TTYH2: variants seen among roughly 807,000 people sequenced by gnomAD.
TTYH2 encodes protein tweety homolog 2.
A neutral mutation model predicts 68.3 loss-of-function variants in TTYH2; 49 were observed. That is an observed-to-expected ratio of 0.72 (90% CI 0.57 to 0.91). The LOEUF (loss-of-function observed/expected upper bound fraction) is 0.91. TTYH2 is among the 40% of genes least tolerant of loss of function. TTYH2 has a pLI of 0.00. For missense variants in TTYH2, 631 were observed against 700.4 expected, an observed-to-expected ratio of 0.90 and a Z score of 1.12; for synonymous variants, 272 against 300.8, an observed-to-expected ratio of 0.90 and a Z score of 0.99.
At chr17:74,243,047 C>G (rs2050517750) in intron 4 of TTYH2, among the ~76,000 whole-genome samples, 1 of 152,182 alleles carries the variant, frequency 6.6e-6, no homozygotes, top group Admixed American at 6.5e-5. Context: ...TCGGTAGCCA[C>G]CTGTGGGTAG....
At chr17:74,235,005 C>G (rs2050428335) in intron 3 of TTYH2, among the ~76,000 whole-genome samples, 1 of 152,128 alleles carries the variant, frequency 6.6e-6, no homozygotes, top group South Asian at 2.1e-4. Context: ...TTCGGGCTGT[C>G]GAATCTGCAC....
At position 74,253,061 on chromosome 17, in the gene TTYH2, T is replaced by A. The variant is rs756444323; in HGVS notation, c.1260-20T>A. On this transcript the variant is annotated intron_variant, in intron 11 of 13. Transcript: ENST00000269346. ...CTCCTTCACCCTTCACAGCCGGCCA[T>A]CTTCTACCCATTGTTCTAGAAACAG... 2.0e-5 allele frequency: 32 copies of A among 1,612,584 alleles called. No homozygotes were observed. The highest frequency in any genetic ancestry group is 2.5e-5 in the Non-Finnish European group (29 of 1,179,454).
intron 13 of TTYH2, among the ~76,000 whole-genome samples, chr17:74,259,118 C>T (rs1448475732): frequency 6.6e-6 from 1 of 152,210 alleles, no homozygotes; most frequent in Non-Finnish European, 1.5e-5. Flanking sequence ...TGTACTGGGT[C>T]ATGCTCCTCC....
intron 3 of TTYH2, among the ~76,000 whole-genome samples, chr17:74,234,823 C>T (rs1380957839): frequency 6.6e-6 from 1 of 152,128 alleles, no homozygotes; most frequent in Non-Finnish European, 1.5e-5. Context: ...GAAATGTCAC[C>T]TATTACTGGG....
chr17:74,244,102 T>C (rs1032353444), intron 6 of TTYH2, 53 bp downstream of exon 6: 16 of 1,546,504 alleles, frequency 1.0e-5, no homozygotes, highest in Non-Finnish European at 1.4e-5. Context: ...GCCAGGACAC[T>C]CTGGTGTGTC....
chr17:74,248,227 C>T lies in TTYH2; in HGVS notation c.805-784C>T, dbSNP rs192250523. ...AGCTCTCCCTGGCTGCTCTGGAAGGCGGAGGCCCCCCAGTTTATCCAGTCC... is the reference window on the plus strand; with the variant it reads ...AGCTCTCCCTGGCTGCTCTGGAAGGTGGAGGCCCCCCAGTTTATCCAGTCC... On this transcript the variant is annotated intron_variant, in intron 6 of 13. Coordinates refer to ENST00000269346, the MANE Select transcript of TTYH2 (RefSeq NM_032646.6). The T allele has an allele frequency of 7.2e-4, 706 of 975,344 alleles. 6 individuals carry two copies. In the African/African-American group the frequency reaches 0.01, roughly 14 times the overall value. 60.4% of individuals were successfully genotyped at this position (975,344 alleles called of 1,614,324 possible).
At position 74,222,121 on chromosome 17, in the gene TTYH2, CT is replaced by C. The variant is rs952455924; in HGVS notation, c.130-363del. 6.6e-6 allele frequency among the ~76,000 whole-genome samples: 1 copy of C among 152,210 alleles called. No individual in the cohort carries two copies. On this transcript the variant is annotated intron_variant, in intron 1 of 13. Transcript: ENST00000269346. This position sits in a 1 kb window ranked among gnomAD's most constrained non-coding sequence, Gnocchi z 5.2. The stretch of plus-strand genomic sequence containing the variant: ...TGGAGCTCACCACCCACAGCCCTCC[CT>C]GCTAGCTGGGGATTCCTGCCTTGTC...
chr17:74,226,352 G>C (rs527829464), intron 2 of TTYH2, among the ~76,000 whole-genome samples: 2 of 152,148 alleles, frequency 1.3e-5, no homozygotes, highest in Non-Finnish European at 2.9e-5. Context: ...CCAGGAAAGA[G>C]TGTCCCACAA....
At position 74,232,479 on chromosome 17, in the gene TTYH2, C is replaced by T. The variant is rs980583893; in HGVS notation, c.414+1480C>T. ...GATGCTAGTCTGGAACAGCCTTGCG[C>T]GGTGAGCTGGGGCGGCTGGGTTGGA... On this transcript the variant is annotated intron_variant, in intron 3 of 13. Transcript: ENST00000269346. The surrounding 1 kb of genome is among the most constrained non-coding windows in gnomAD (Gnocchi z 5.1). Among the ~76,000 whole-genome samples the T allele has an allele frequency of 3.3e-5, 5 of 152,316 alleles. No homozygotes were observed. Among genetic ancestry groups the T allele is most frequent in the East Asian group, 3.9e-4 (2 of 5,176 alleles).
In TTYH2 at chr17:74,215,093, T is replaced by C. The variant is rs988257730; in HGVS notation, c.129+1377T>C. Among the ~76,000 whole-genome samples, 27 of 151,902 alleles carry C rather than the reference T, an allele frequency of 1.8e-4. No individual in the cohort carries two copies. The highest frequency in any genetic ancestry group is 6.6e-5 in the Admixed American group (1 of 15,258). On this transcript the variant is annotated intron_variant, in intron 1 of 13. Transcript: ENST00000269346. The surrounding 1 kb of genome is among the most constrained non-coding windows in gnomAD (Gnocchi z 4.3). The stretch of plus-strand genomic sequence containing the variant: ...AGTCTGTGTTCCCTGAGAATGTGGC[T>C]GCCTGGGGATAGCTCCAGGGAATCT...
At chr17:74,242,851 C>G (rs1332472207) in intron 4 of TTYH2, among the ~76,000 whole-genome samples, 1 of 152,162 alleles carries the variant, frequency 6.6e-6, no homozygotes, top group Non-Finnish European at 1.5e-5. Context: ...CTGATGCTGT[C>G]TGAGAGTTCT....
chr17:74,231,745 C>T (rs960901026), intron 3 of TTYH2, among the ~76,000 whole-genome samples: 6 of 152,070 alleles, frequency 3.9e-5, no homozygotes, highest in African/African-American at 1.4e-4. Flanking sequence ...GCCCCAGCTC[C>T]TCGGAGCTCT....
intron 13 of TTYH2, among the ~76,000 whole-genome samples, chr17:74,255,559 C>T (rs2050685433): frequency 6.6e-6 from 1 of 152,072 alleles, no homozygotes; most frequent in Admixed American, 6.5e-5. Flanking sequence ...TCAAGTGATT[C>T]TCCTGCCTCA....
intron 3 of TTYH2, among the ~76,000 whole-genome samples, chr17:74,236,445 A>C (rs1451221119): frequency 6.6e-6 from 1 of 152,254 alleles, no homozygotes; most frequent in African/African-American, 2.4e-5. Context: ...TGAAAGTTTT[A>C]AGAGAATCTT....
chr17:74,248,710 C>G, intron 6 of TTYH2: 9 of 1,297,210 alleles, frequency 6.9e-6, no homozygotes, highest in Non-Finnish European at 8.9e-6. Flanking sequence ...ATAAGAGTAA[C>G]AGCATGCGCT....
rs2050738818 is a variant in TTYH2 at position 74,260,462 on chromosome 17, C to T, written c.*253C>T. 3.8e-6 allele frequency: 2 copies of T among 521,880 alleles called. No homozygotes were observed. The highest frequency in any genetic ancestry group is 3.2e-5 in the Admixed American group (1 of 31,604). 32.3% of individuals were successfully genotyped at this position (521,880 alleles called of 1,614,324 possible). A position where few individuals can be genotyped will look rare whatever the true frequency, so the allele number is the denominator to read the frequency against. ...AGGTGCTTGGCTGCCTCAGAGGTAC[C>T]ATCCCTGAGCTGGCTGCCTGGCCCT... On this transcript the variant is annotated 3_prime_UTR_variant, in exon 14 of 14. Transcript: ENST00000269346.
intron 10 of TTYH2, 150 bp from the exon 11 acceptor site, chr17:74,252,084 C>A: frequency 1.1e-6 from 1 of 927,908 alleles, no homozygotes; most frequent in South Asian, 1.5e-5. Context: ...AGAGTGTGGA[C>A]CTTTAATGGT....
chr17:74,247,486 A>G (rs1243165226), intron 6 of TTYH2, among the ~76,000 whole-genome samples: 2 of 152,150 alleles, frequency 1.3e-5, no homozygotes, highest in Non-Finnish European at 1.5e-5. Context: ...CAGGGTGGCC[A>G]AGGGGTGTGA....
chr17:74,254,347 T>C (rs2050671396), intron 13 of TTYH2, among the ~76,000 whole-genome samples: 1 of 152,144 alleles, frequency 6.6e-6, no homozygotes, highest in South Asian at 2.1e-4. Flanking sequence ...TTTGTATTTT[T>C]AGTAGAGATG....
Sources: gnomAD v4.1 joint callset for allele counts (sites outside exome capture counted in the v4.1 genomes callset) on GRCh38, gnomAD v4.1.1 for gene constraint, Gnocchi (gnomAD v3.1) non-coding constraint, MANE v1.5 for transcripts, NCBI Gene and HGNC (gene_info 2026-07-23, HGNC 2026-07-21) for gene names.